The following RSPH10B variants were observed in gnomAD, a reference collection of about 807,000 sequenced individuals.
RSPH10B encodes the protein radial spoke head 10 homolog B.
A neutral mutation model predicts 52.5 loss-of-function variants in RSPH10B; 7 were observed. The ratio of observed to expected loss-of-function variants is 0.13; its 90% confidence interval spans 0.08 to 0.25. RSPH10B has a LOEUF of 0.25. Among genes scored for constraint, RSPH10B ranks in the 10% least tolerant of loss-of-function variants. The pLI, the probability that RSPH10B is intolerant of heterozygous loss-of-function variation, is 1.00. For synonymous variants in RSPH10B, 28 were observed against 193.2 expected, an observed-to-expected ratio of 0.14 and a Z score of 7.09; for missense variants, 89 against 542.5, an observed-to-expected ratio of 0.16 and a Z score of 8.30.
intron 17 of RSPH10B, among the ~76,000 whole-genome samples, chr7:5,931,978 A>T (rs1779797898): frequency 6.6e-6 from 1 of 151,306 alleles, no homozygotes; most frequent in South Asian, 2.1e-4. Flanking sequence ...AAGAAAGTAA[A>T]ACCCTGTCTC....
At position 5,944,547 on chromosome 7, in the gene RSPH10B, A is replaced by G. The variant is rs1373002551; in HGVS notation, c.1529+517T>C. On this transcript the variant is annotated intron_variant, in intron 11 of 18. Transcript: ENST00000337579. Reference sequence around the variant, plus strand: ...AGAAACCCCGAGAGATATTTGCAGTATTGAACTGACCAGATATGAAGGGCT... The same window carrying G: ...AGAAACCCCGAGAGATATTTGCAGTGTTGAACTGACCAGATATGAAGGGCT... Among the ~76,000 whole-genome samples, 9 of 149,132 alleles carry G rather than the reference A, an allele frequency of 6.0e-5. 1 individual carries two copies. In the South Asian group the frequency reaches 1.9e-3, roughly 31 times the overall value.
chr7:5,931,698 T>TTAAA (rs1779781487), intron 17 of RSPH10B, among the ~76,000 whole-genome samples: 1 of 141,090 alleles, frequency 7.1e-6, no homozygotes, highest in African/African-American at 2.6e-5. Context: ...ACCCACCTCT[T>TTAAA]AAAAAAAAAA....
intron 17 of RSPH10B, among the ~76,000 whole-genome samples, chr7:5,928,826 A>G (rs898004323): frequency 2.7e-5 from 4 of 149,606 alleles, no homozygotes; most frequent in Non-Finnish European, 5.9e-5. Context: ...AGGTTTCACC[A>G]TGTTGGCCAG....
chr7:5,927,045 G>GTGTGTGTGTGTGTGTGTGTGTA lies in RSPH10B; in HGVS notation c.2433-498_2433-497insTACACACACACACACACACACA, dbSNP rs71762251. Among the ~76,000 whole-genome samples, 110 of 123,000 alleles carry GTGTGTGTGTGTGTGTGTGTGTA rather than the reference G, an allele frequency of 8.9e-4. 3 individuals are homozygous for GTGTGTGTGTGTGTGTGTGTGTA. Among genetic ancestry groups the GTGTGTGTGTGTGTGTGTGTGTA allele is most frequent in the Non-Finnish European group, 1.0e-3 (56 of 55,308 alleles). 80.7% of individuals were successfully genotyped at this position (123,000 alleles called of 152,430 possible). On this transcript the variant is annotated intron_variant, in intron 18 of 18. Coordinates refer to ENST00000337579, the Ensembl canonical transcript of RSPH10B. Reference sequence around the variant, plus strand: ...TACGTGTGTGTGTGTGTGTGTGTGTGTATTATGTGTGTGTGTGTGTGTATA... The same window carrying GTGTGTGTGTGTGTGTGTGTGTA: ...TACGTGTGTGTGTGTGTGTGTGTGTGTGTGTGTGTGTGTGTGTGTGTATATTATGTGTGTGTGTGTGTGTATA...
chr7:5,950,454 C>G (rs1344576232), intron 9 of RSPH10B, among the ~76,000 whole-genome samples: 1 of 151,186 alleles, frequency 6.6e-6, no homozygotes, highest in African/African-American at 2.4e-5. Context: ...GCCTGTAATC[C>G]CAGCTACTCA....
chr7:5,932,145 T>C (rs78592890), intron 17 of RSPH10B, among the ~76,000 whole-genome samples: 64,721 of 109,180 alleles, frequency 0.59, 14,948 homozygotes, highest in Middle Eastern at 0.66. Context: ...AGCAGAGGCA[T>C]GAGGTTGGAA....
exon 4 of RSPH10B, chr7:5,960,780 C>T: frequency 6.6e-6 from 4 of 610,086 alleles, no homozygotes; most frequent in East Asian, 5.6e-5. Context: ...TTCCTCATGC[C>T]GTTGACCACT....
At chr7:5,933,485 C>T (rs1779874544) in intron 16 of RSPH10B, among the ~76,000 whole-genome samples, 1 of 137,768 alleles carries the variant, frequency 7.3e-6, no homozygotes, top group African/African-American at 2.5e-5. Context: ...ACCGGCTAGG[C>T]GTGGTGGCTC....
chr7:5,930,967 A>T (rs1779731873), intron 17 of RSPH10B, among the ~76,000 whole-genome samples: 1 of 89,218 alleles, frequency 1.1e-5, no homozygotes, highest in Non-Finnish European at 2.4e-5. Flanking sequence ...ATGGAGTCTC[A>T]CTGTCACCCA....
At chr7:5,927,022 C>CGCGTGTGTGTGTGTGT (rs1554284429) in intron 18 of RSPH10B, among the ~76,000 whole-genome samples, 9 of 96,010 alleles carry the variant, frequency 9.4e-5, no homozygotes, top group African/African-American at 4.3e-4. Context: ...CCCAAAGTTA[C>CGCGTGTGTGTGTGTGT]GTGTGTGTGT....
intron 17 of RSPH10B, among the ~76,000 whole-genome samples, chr7:5,931,411 G>A (rs1303966909): frequency 1.3e-5 from 2 of 151,420 alleles, no homozygotes; most frequent in Non-Finnish European, 2.9e-5. Flanking sequence ...GTGGGCGGCC[G>A]GCCATAGAGA....
chr7:5,928,346 C>T lies in RSPH10B; in HGVS notation c.2282G>A (p.Trp761Ter). Residue 761 changes from tryptophan to a stop codon, truncating the protein, a stop_gained, in exon 18 of 19, where the codon TGG becomes TAG. Transcript: ENST00000337579. LOFTEE classifies it high-confidence loss of function. ...AAAGAAGACGTACATATTATTGACC[C>T]ACGTGTTGAACTCTTCCTCTCGATC... 4 of 1,613,274 alleles carry T rather than the reference C, an allele frequency of 2.5e-6. No individual in the cohort carries two copies. Among genetic ancestry groups the T allele is most frequent in the Non-Finnish European group, 3.4e-6 (4 of 1,179,712 alleles).
chr7:5,943,541 T>C (rs1385530181), intron 12 of RSPH10B, 69 bp from the exon 15 acceptor site: 5 of 1,593,166 alleles, frequency 3.1e-6, no homozygotes, highest in Non-Finnish European at 3.4e-6. Flanking sequence ...GTAAATATAA[T>C]CCTATTGCTT....
At position 5,957,848 on chromosome 7, in the gene RSPH10B, G is replaced by A; in HGVS notation, c.780+59C>T. ...AAAACCCAAAAAGAAATATACATGT[G>A]TTGAGAATCGGCGGAGCATCCGCCT... On this transcript the variant is annotated intron_variant, in intron 6 of 18. Coordinates refer to ENST00000337579, the Ensembl canonical transcript of RSPH10B. The A allele has an allele frequency of 6.9e-6, 10 of 1,444,240 alleles. 1 individual carries two copies. The South Asian group carries it at 7.0e-5, about 10-fold the overall frequency. The allele number at this position is 1,444,240 out of a possible 1,614,324, so 89.5% of individuals were successfully genotyped here. A position where few individuals can be genotyped will look rare whatever the true frequency, so the allele number is the denominator to read the frequency against.
upstream of RSPH10B, among the ~76,000 whole-genome samples, chr7:5,969,065 A>T (rs1303070577): frequency 5.5e-4 from 4 of 7,256 alleles, no homozygotes; most frequent in Admixed American, 1.7e-3. Flanking sequence ...CTGGTGTCGA[A>T]CTCCTGACCT....
intron 3 of RSPH10B, among the ~76,000 whole-genome samples, chr7:5,963,902 C>CAAAA (rs529339716): frequency 1.2e-5 from 1 of 83,174 alleles, no homozygotes; most frequent in African/African-American, 4.5e-5. Flanking sequence ...CCTGTCTCTA[C>CAAAA]AAAAAAAAAA....
chr7:5,964,177 C>A (rs1781021360), intron 3 of RSPH10B, among the ~76,000 whole-genome samples: 1 of 148,194 alleles, frequency 6.7e-6, no homozygotes, highest in Admixed American at 6.8e-5. Flanking sequence ...TTCCAGGCTG[C>A]AGTGTTATGA....
chr7:5,942,272 G>C (rs1484139912), intron 13 of RSPH10B, among the ~76,000 whole-genome samples: 1 of 137,904 alleles, frequency 7.3e-6, no homozygotes, highest in Non-Finnish European at 1.6e-5. Context: ...TGTTTTTTGG[G>C]GGATTTTTTT....
chr7:5,927,074 G>GTGTGTATATATA (rs1562553365), intron 18 of RSPH10B, among the ~76,000 whole-genome samples: 226 of 74,138 alleles, frequency 3.0e-3, no homozygotes, highest in Middle Eastern at 0.025. Context: ...GTGTATATGT[G>GTGTGTATATATA]TGTGTGTGTG....
Sources: allele counts gnomAD v4.1 joint callset (sites outside exome capture counted in the v4.1 genomes callset), GRCh38; gene constraint gnomAD v4.1.1; transcripts MANE v1.5; gene names NCBI Gene and HGNC (gene_info 2026-07-23, HGNC 2026-07-21).